The following CAPG variants were observed in gnomAD, a reference collection of about 807,000 sequenced individuals.
The protein encoded by CAPG is capping actin protein, gelsolin like.
A neutral mutation model predicts 44.6 loss-of-function variants in CAPG; 32 were observed. The observed-to-expected ratio is 0.72, with a 90% CI of 0.54 to 0.96. The LOEUF (loss-of-function observed/expected upper bound fraction) is 0.96, where lower values mean the gene tolerates loss of function less well. Ranked by LOEUF, CAPG falls within the 50% of genes least tolerant of loss-of-function variation. The pLI is 0.00. For missense variants in CAPG, 412 were observed against 438.3 expected (o/e 0.94, Z 0.54); for synonymous variants, 175 against 179.6 (o/e 0.97, Z 0.20).
In CAPG at chr2:85,402,147, C is replaced by A. The variant is rs1268350849; in HGVS notation, c.-2G>T. The A allele has an allele frequency of 5.6e-6, 9 of 1,602,540 alleles. No homozygotes were observed. Among genetic ancestry groups the A allele is most frequent in the Middle Eastern group, 1.6e-4 (1 of 6,068 alleles). Reference sequence around the variant, plus strand: ...CCTCTGGGGAATGGCTGTGTACATGCTGTCTTCAGATCTGGAAAGAAAGAA... The same window carrying A: ...CCTCTGGGGAATGGCTGTGTACATGATGTCTTCAGATCTGGAAAGAAAGAA... On this transcript the variant is annotated 5_prime_UTR_variant, in exon 2 of 10. Transcript: ENST00000263867.
chr2:85,403,035 T>A (rs190286964), intron 1 of CAPG, among the ~76,000 whole-genome samples: 2 of 152,246 alleles, frequency 1.3e-5, no homozygotes, highest in Admixed American at 1.3e-4. Flanking sequence ...CCTCCCAAAG[T>A]GTTGGTATTA....
At chr2:85,409,329 C>A (rs975230995) in intron 1 of CAPG, among the ~76,000 whole-genome samples, 13 of 152,190 alleles carry the variant, frequency 8.5e-5, no homozygotes, top group African/African-American at 2.9e-4. Flanking sequence ...GGGGAGGACG[C>A]AAGTCCTGCT....
Position 85,395,652 on chromosome 2 carries a change from A to G in CAPG, c.893-26T>C, listed in dbSNP as rs1686564187. On this transcript the variant is annotated intron_variant, in intron 8 of 9. Transcript: ENST00000263867. The surrounding 1 kb of genome is among the most constrained non-coding windows in gnomAD (Gnocchi z 4.3). Reference sequence around the variant, plus strand: ...CTAGATCATAGGAAGGAGATTTTTAAAAAGAGCAGGGACCCTCTTTAGCTG... The same window carrying G: ...CTAGATCATAGGAAGGAGATTTTTAGAAAGAGCAGGGACCCTCTTTAGCTG... 1 of 1,568,236 alleles carries G rather than the reference A, an allele frequency of 6.4e-7. No homozygotes were observed. Among genetic ancestry groups the G allele is most frequent in the South Asian group, 1.1e-5 (1 of 88,888 alleles).
rs936197465 is a variant in CAPG at position 85,398,257 on chromosome 2, C to T, written c.760-105G>A. The T allele has an allele frequency of 5.1e-5, 68 of 1,328,450 alleles. No individual in the cohort carries two copies. The Admixed American group carries it at 1.0e-3, about 20-fold the overall frequency. 82.3% of individuals were successfully genotyped at this position (1,328,450 alleles called of 1,614,324 possible). A position where few individuals can be genotyped will look rare whatever the true frequency, so the allele number is the denominator to read the frequency against. The stretch of plus-strand genomic sequence containing the variant: ...TCCCTAGGTCCCTCCCACTGTGCCT[C>T]GCTGCCCACTGCCCAGGTCCCAGGA... On this transcript the variant is annotated intron_variant, in intron 7 of 9. Transcript: ENST00000263867.
rs760116737 is a variant in CAPG, at chr2:85,398,131, T to C, written c.781A>G (p.Met261Val). 57 of 1,613,634 alleles carry C rather than the reference T, an allele frequency of 3.5e-5. No homozygotes were observed. The highest frequency in any genetic ancestry group is 4.7e-5 in the Non-Finnish European group (55 of 1,179,868). Residue 261 changes from methionine to valine, a missense_variant, in exon 8 of 10, where the codon ATG becomes GTG. Coordinates refer to ENST00000263867, the MANE Select transcript of CAPG (RefSeq NM_001747.4). Reference sequence around the variant, plus strand: ...GAGTCAGCCACCTTGGTCAGGTTCATCTGTCCAGTGGCATCAGAGACCTGG... The same window carrying C: ...GAGTCAGCCACCTTGGTCAGGTTCACCTGTCCAGTGGCATCAGAGACCTGG... The part of the protein sequence containing the change: ...LYKVSDATGQ[M>V]NLTKVADSSP...
intron 8 of CAPG, among the ~76,000 whole-genome samples, chr2:85,397,747 C>T (rs182719558): frequency 7.0e-6 from 1 of 142,866 alleles, no homozygotes; most frequent in Non-Finnish European, 1.6e-5. Context: ...AAGGCCTATG[C>T]CATGGCTCAC....
At chr2:85,406,925 A>C (rs1687186897) in intron 1 of CAPG, among the ~76,000 whole-genome samples, 2 of 148,508 alleles carry the variant, frequency 1.3e-5, no homozygotes, top group South Asian at 4.3e-4. Context: ...GTTTCCTCTT[A>C]GTAATTTTCT....
At chr2:85,399,899 G>A (rs911848352) in intron 5 of CAPG, among the ~76,000 whole-genome samples, 6 of 151,966 alleles carry the variant, frequency 3.9e-5, no homozygotes, top group African/African-American at 1.2e-4. Context: ...GTGCCACCAG[G>A]CCCGGCTAAT....
upstream of CAPG, among the ~76,000 whole-genome samples, chr2:85,410,799 T>C (rs1445108256): frequency 6.6e-6 from 1 of 152,178 alleles, no homozygotes; most frequent in Non-Finnish European, 1.5e-5. Context: ...TCCCTCAGTT[T>C]GTCTTTCTCC....
downstream of CAPG, among the ~76,000 whole-genome samples, chr2:85,393,056 A>G (rs1686443844): frequency 6.6e-6 from 1 of 151,168 alleles, no homozygotes; most frequent in African/African-American, 2.4e-5. Flanking sequence ...TTTTTTTTGA[A>G]ATGGGATCTC....
At position 85,401,646 on chromosome 2, in the gene CAPG, G is replaced by A. The variant is rs774052021; in HGVS notation, c.234C>T (p.Ala78=). ...GCGTGTTGAGGTGCACAGCCAGCACGGCACAGGCCCCCTGCTCATCCCGGG... is the reference window on the plus strand; with the variant it reads ...GCGTGTTGAGGTGCACAGCCAGCACAGCACAGGCCCCCTGCTCATCCCGGG... ...QSSRDEQGAC[A]VLAVHLNTLL... is the part of the protein sequence containing the mutation. Residue 78 remains alanine, a synonymous_variant, in exon 4 of 10, where the codon GCC becomes GCT. Transcript: ENST00000263867. 7.4e-5 allele frequency: 120 copies of A among 1,613,978 alleles called. No homozygotes were observed. The highest frequency in any genetic ancestry group is 1.8e-4 in the East Asian group (8 of 44,888).
At chr2:85,405,220 A>T (rs73945747) in intron 1 of CAPG, among the ~76,000 whole-genome samples, 5,196 of 152,226 alleles carry the variant, frequency 0.034, 201 homozygotes, top group African/African-American at 0.094. Flanking sequence ...AAACGCAAGT[A>T]TTTTTTAAAA....
chr2:85,400,742 C>T (rs928831764), intron 5 of CAPG, among the ~76,000 whole-genome samples: 2 of 151,976 alleles, frequency 1.3e-5, no homozygotes, highest in African/African-American at 4.8e-5. Flanking sequence ...CAGCACATGG[C>T]AGCTGTCCCC....
At chr2:85,409,150 G>C (rs1687306937) in intron 1 of CAPG, among the ~76,000 whole-genome samples, 1 of 152,206 alleles carries the variant, frequency 6.6e-6, no homozygotes, top group African/African-American at 2.4e-5. Flanking sequence ...ACCTCATGCA[G>C]GTGCTCAAAG....
chr2:85,396,228 C>T (rs530775546), intron 8 of CAPG, among the ~76,000 whole-genome samples: 59 of 152,248 alleles, frequency 3.9e-4, no homozygotes, highest in Non-Finnish European at 7.1e-4. Flanking sequence ...TTCTGTCGCC[C>T]GGGCTGGAGT....
At chr2:85,404,285 A>C (rs1687044787) in intron 1 of CAPG, among the ~76,000 whole-genome samples, 1 of 152,076 alleles carries the variant, frequency 6.6e-6, no homozygotes. Context: ...AAAAAAAAAA[A>C]AACAGGCCAA....
intron 1 of CAPG, among the ~76,000 whole-genome samples, chr2:85,407,662 G>A (rs964779625): frequency 2.7e-4 from 37 of 136,938 alleles, no homozygotes; most frequent in Admixed American, 2.2e-3. Context: ...GCAGTAAGCC[G>A]AGATCACACC....
At chr2:85,416,161 T>C (rs1687546930) in intron 1 of CAPG, among the ~76,000 whole-genome samples, 1 of 152,348 alleles carries the variant, frequency 6.6e-6, no homozygotes, top group East Asian at 1.9e-4. Context: ...GCTTAGCTGC[T>C]TGGACTCTGG....
Position 85,395,736 on chromosome 2 carries a change from C to A in CAPG, c.893-110G>T, listed in dbSNP as rs1238488221. 8 of 713,484 alleles carry A rather than the reference C, an allele frequency of 1.1e-5. No homozygotes were observed. In the South Asian group the frequency reaches 1.2e-4, roughly 10 times the overall value. 44.2% of individuals were successfully genotyped at this position (713,484 alleles called of 1,614,324 possible). On this transcript the variant is annotated intron_variant, in intron 8 of 9. Coordinates refer to ENST00000263867, the MANE Select transcript of CAPG (RefSeq NM_001747.4). The surrounding 1 kb of genome is among the most constrained non-coding windows in gnomAD (Gnocchi z 4.3). ...TCCACAGAAGAGCCAGCAATTTTTA[C>A]AATAAATGGACCAGGGGTCCCAAGA... is the stretch of plus-strand genomic sequence containing the variant.
Sources: gnomAD v4.1 joint callset for allele counts (sites outside exome capture counted in the v4.1 genomes callset) on GRCh38, gnomAD v4.1.1 for gene constraint, Gnocchi (gnomAD v3.1) non-coding constraint, MANE v1.5 for transcripts, NCBI Gene and HGNC (gene_info 2026-07-23, HGNC 2026-07-21) for gene names.